Variants in RALA observed in about 807,000 individuals in gnomAD.
RALA encodes ras-related protein Ral-A.
A neutral mutation model predicts 24.0 loss-of-function variants in RALA; 5 were observed. The ratio of observed to expected loss-of-function variants is 0.21; its 90% CI spans 0.11 to 0.44. The LOEUF (loss-of-function observed/expected upper bound fraction) is 0.44. RALA is among the 20% of genes least tolerant of loss of function. The pLI is 0.99. For synonymous variants in RALA, 77 were observed against 83.8 expected (o/e 0.92, Z 0.44); for missense variants, 95 against 241.2 (o/e 0.39, Z 4.01).
At chr7:39,647,271 G>A (rs1029952564) in intron 1 of RALA, among the ~76,000 whole-genome samples, 2 of 152,128 alleles carry the variant, frequency 1.3e-5, no homozygotes, top group African/African-American at 4.8e-5. Context: ...TCGAACTCCT[G>A]CGCTCAAGTG....
intron 3 of RALA, among the ~76,000 whole-genome samples, chr7:39,694,952 G>A (rs929126629): frequency 1.3e-5 from 2 of 151,792 alleles, no homozygotes; most frequent in Admixed American, 6.6e-5. Flanking sequence ...TGTGCTACTC[G>A]GGAAGTTGAG....
chr7:39,640,617 C>T (rs1791796290), intron 1 of RALA, among the ~76,000 whole-genome samples: 1 of 152,102 alleles, frequency 6.6e-6, no homozygotes, highest in African/African-American at 2.4e-5. Context: ...TGACCATGAG[C>T]CTTTCTTAAT....
Position 39,692,346 on chromosome 7 carries a change from C to T in RALA, c.323+1756C>T, listed in dbSNP as rs375359168. 2.6e-5 allele frequency among the ~76,000 whole-genome samples: 4 copies of T among 152,186 alleles called. 1 individual carries two copies. ...CAGTATCCCCAGTACCTATATATGC[C>T]ATAGTTCATAGCATATAATCTATAG... is the stretch of plus-strand genomic sequence containing the variant. On this transcript the variant is annotated intron_variant, in intron 3 of 4. Transcript: ENST00000005257.
Position 39,655,601 on chromosome 7 carries a change from A to G in RALA, c.-37-31030A>G, listed in dbSNP as rs112909296. On this transcript the variant is annotated intron_variant, in intron 1 of 4. Coordinates refer to ENST00000005257, the MANE Select transcript of RALA (RefSeq NM_005402.4). Reference sequence around the variant, plus strand: ...TTTTCCCATTTCTTAATTTTTTTTCATACTGTAACTCCAGTTTATTGTTCT... The same window carrying G: ...TTTTCCCATTTCTTAATTTTTTTTCGTACTGTAACTCCAGTTTATTGTTCT... Among the ~76,000 whole-genome samples, 1,293 of 152,226 alleles carry G rather than the reference A, an allele frequency of 8.5e-3. 15 individuals carry two copies. The highest frequency in any genetic ancestry group is 9.8e-3 in the Non-Finnish European group (664 of 67,992).
intron 1 of RALA, among the ~76,000 whole-genome samples, chr7:39,657,257 C>T (rs945129728): frequency 4.6e-5 from 7 of 152,132 alleles, no homozygotes; most frequent in African/African-American, 1.7e-4. Flanking sequence ...TGAGCCACCA[C>T]GCCCAGCCCA....
chr7:39,694,404 G>A (rs1792881517), intron 3 of RALA, among the ~76,000 whole-genome samples: 2 of 152,110 alleles, frequency 1.3e-5, no homozygotes, highest in African/African-American at 4.8e-5. Flanking sequence ...GTATTCTCTT[G>A]GTATCTACTG....
In RALA at chr7:39,707,417, G is replaced by A. The variant is rs1345099631; in HGVS notation, c.*1172G>A. 1 of 152,154 alleles carries A rather than the reference G, an allele frequency of 6.6e-6. No individual in the cohort carries two copies. The highest frequency in any genetic ancestry group is 1.5e-5 in the Non-Finnish European group (1 of 68,034). The allele number at this position is 152,154 out of a possible 1,614,324, so 9.4% of individuals were successfully genotyped here. ...ATTCTTTTCTGTTTCTGTTTATAAT[G>A]AAGAACACTGTAGCTACATTTTCAG... is the stretch of plus-strand genomic sequence containing the variant. On this transcript the variant is annotated 3_prime_UTR_variant, in exon 5 of 5. Coordinates refer to ENST00000005257, the MANE Select transcript of RALA (RefSeq NM_005402.4).
chr7:39,629,454 G>A (rs540766012), intron 1 of RALA, among the ~76,000 whole-genome samples: 13 of 151,812 alleles, frequency 8.6e-5, no homozygotes, highest in African/African-American at 2.4e-4. Context: ...TCGCTCTGTC[G>A]CCCAGGCTGG....
Position 39,706,083 on chromosome 7 carries a change from T to A in RALA, c.499-40T>A, listed in dbSNP as rs756609760. The A allele has an allele frequency of 9.7e-6, 15 of 1,543,172 alleles. 1 individual carries two copies. The South Asian group carries it at 1.5e-4, about 16-fold the overall frequency. On this transcript the variant is annotated intron_variant, in intron 4 of 4. Coordinates refer to ENST00000005257, the MANE Select transcript of RALA (RefSeq NM_005402.4). ...GATTTGGAGAAGTACCAAGTTCATG[T>A]ATCTGTTTGCTTTATTTATCCTATT...
intron 1 of RALA, among the ~76,000 whole-genome samples, chr7:39,652,264 G>T (rs1792029721): frequency 6.6e-6 from 1 of 152,094 alleles, no homozygotes; most frequent in South Asian, 2.1e-4. Flanking sequence ...CTTCTTCAAG[G>T]TCCCACATCT....
intron 1 of RALA, among the ~76,000 whole-genome samples, chr7:39,630,124 GCCTC>G (rs1238304960): frequency 9.9e-5 from 15 of 151,654 alleles, no homozygotes; most frequent in Admixed American, 3.3e-4. Context: ...GCTCACTGCA[GCCTC>G]AGCCTCCAAG....
At chr7:39,688,528 AG>A (rs1215062518) in intron 2 of RALA, among the ~76,000 whole-genome samples, 31 of 151,996 alleles carry the variant, frequency 2.0e-4, no homozygotes, top group Admixed American at 1.8e-3. Context: ...TCCTTAAATC[AG>A]TCTCCTCTTG....
At chr7:39,631,859 TAAA>T (rs1236245728) in intron 1 of RALA, among the ~76,000 whole-genome samples, 3 of 152,212 alleles carry the variant, frequency 2.0e-5, no homozygotes, top group African/African-American at 7.2e-5. Context: ...GGGTAATTCA[TAAA>T]GGAAAGAGAT....
chr7:39,703,050 C>T (rs538433711), intron 4 of RALA: 1 of 152,166 alleles, frequency 6.6e-6, no homozygotes, highest in Non-Finnish European at 1.5e-5. Flanking sequence ...GCTAATTACC[C>T]TGGTCTTAGT....
At chr7:39,647,940 A>G (rs1791955759) in intron 1 of RALA, among the ~76,000 whole-genome samples, 2 of 152,234 alleles carry the variant, frequency 1.3e-5, no homozygotes, top group South Asian at 4.1e-4. Context: ...CTTTTCAAGT[A>G]TCTGTCATAA....
intron 1 of RALA, among the ~76,000 whole-genome samples, chr7:39,685,023 G>A (rs1339672511): frequency 6.6e-6 from 1 of 152,070 alleles, no homozygotes; most frequent in Admixed American, 6.6e-5. Context: ...TATTAAGTTG[G>A]TGCAAAAGTA....
At chr7:39,630,171 G>A (rs1057214165) in intron 1 of RALA, among the ~76,000 whole-genome samples, 1 of 150,584 alleles carries the variant, frequency 6.6e-6, no homozygotes, top group Non-Finnish European at 1.5e-5. Flanking sequence ...AGCCTCCTGA[G>A]TAGCTGGAAT....
rs188372866 is a variant in RALA at position 39,700,602 on chromosome 7, A to G, written c.498+3743A>G. 7 of 152,126 alleles carry G rather than the reference A, an allele frequency of 4.6e-5. No individual in the cohort carries two copies. The East Asian group carries it at 1.2e-3, about 25-fold the overall frequency. The allele number at this position is 152,126 out of a possible 1,614,324, so 9.4% of individuals were successfully genotyped here. A position where few individuals can be genotyped will look rare whatever the true frequency, so the allele number is the denominator to read the frequency against. On this transcript the variant is annotated intron_variant, in intron 4 of 4. Coordinates refer to ENST00000005257, the MANE Select transcript of RALA (RefSeq NM_005402.4). The stretch of plus-strand genomic sequence containing the variant: ...TGCAGCATTATTTCTACCTCATTCT[A>G]CAGGTTGGAGATAGTCACAAAGTCT...
chr7:39,663,216 C>G (rs1014131440), intron 1 of RALA, among the ~76,000 whole-genome samples: 1 of 152,164 alleles, frequency 6.6e-6, no homozygotes, highest in Admixed American at 6.5e-5. Context: ...GTGCCATTTG[C>G]AGTCAAGAGA....
Sources: allele counts gnomAD v4.1 joint callset (sites outside exome capture counted in the v4.1 genomes callset), GRCh38; gene constraint gnomAD v4.1.1; transcripts MANE v1.5; gene names NCBI Gene and HGNC (gene_info 2026-07-23, HGNC 2026-07-21).